The following PRKN variants were observed in gnomAD, a reference collection of about 807,000 sequenced individuals.
The protein encoded by PRKN is E3 ubiquitin-protein ligase parkin.
A neutral mutation model predicts 59.5 loss-of-function variants in PRKN; 56 were observed. The ratio of observed to expected loss-of-function variants is 0.94; its 90% CI spans 0.76 to 1.18. The LOEUF (loss-of-function observed/expected upper bound fraction) is 1.18, where lower values mean the gene tolerates loss of function less well. Among genes scored for constraint, PRKN ranks in the 50% most tolerant of loss-of-function variants. The pLI is 0.00. For synonymous variants in PRKN, 250 were observed against 222.1 expected, an observed-to-expected ratio of 1.13 and a Z score of -1.12; for missense variants, 657 against 596.4, an observed-to-expected ratio of 1.10 and a Z score of -1.06.
intron 1 of PRKN, among the ~76,000 whole-genome samples, chr6:162,487,476 C>G (rs1348085977): frequency 6.6e-6 from 1 of 152,182 alleles, no homozygotes; most frequent in South Asian, 2.1e-4. Flanking sequence ...GCTTTTTACG[C>G]TCCCTGTCAT....
intron 9 of PRKN, among the ~76,000 whole-genome samples, chr6:161,482,128 A>C (rs1791432322): frequency 6.6e-6 from 1 of 152,242 alleles, no homozygotes. Flanking sequence ...TGTTAACAAA[A>C]TTTATCAATT....
intron 6 of PRKN, among the ~76,000 whole-genome samples, chr6:161,869,206 C>T (rs552407576): frequency 2.6e-5 from 4 of 152,172 alleles, no homozygotes; most frequent in African/African-American, 9.6e-5. Context: ...TGACGAAACC[C>T]CATGTCTGCT....
At chr6:161,559,977 G>GCCAGGTGCTCTGGATGTCCA (rs367911109) in intron 8 of PRKN, among the ~76,000 whole-genome samples, 2,114 of 152,244 alleles carry the variant, frequency 0.014, 30 homozygotes, top group South Asian at 0.024. Context: ...GGTAACAACA[G>GCCAGGTGCTCTGGATGTCCA]CCAGGTGCTC....
rs1025870492 is a variant in PRKN, at chr6:161,446,148, G to A, written c.1084-59271C>T. Among the ~76,000 whole-genome samples, 2 of 152,132 alleles carry A rather than the reference G, an allele frequency of 1.3e-5. No individual in the cohort carries two copies. The highest frequency in any genetic ancestry group is 4.8e-5 in the African/African-American group (2 of 41,416). ...GGGAGGATCATCTGAGCCTGGGGAGGTCGAGGCCACAGTAAGCTAGGATTG... is the reference window on the plus strand; with the variant it reads ...GGGAGGATCATCTGAGCCTGGGGAGATCGAGGCCACAGTAAGCTAGGATTG... On this transcript the variant is annotated intron_variant, in intron 9 of 11. Coordinates refer to ENST00000366898, the MANE Select transcript of PRKN (RefSeq NM_004562.3). This position sits in a 1 kb window ranked among gnomAD's most constrained non-coding sequence, Gnocchi z 6.2.
At chr6:161,946,865 T>A (rs1178289700) in intron 6 of PRKN, among the ~76,000 whole-genome samples, 1 of 152,186 alleles carries the variant, frequency 6.6e-6, no homozygotes, top group East Asian at 1.9e-4. Context: ...TTGTGATAAA[T>A]CAAGTATGTC....
At position 162,507,121 on chromosome 6, in the gene PRKN, A is replaced by G. The variant is rs1394308727; in HGVS notation, c.8-63648T>C. Among the ~76,000 whole-genome samples the G allele has an allele frequency of 2.6e-5, 4 of 152,080 alleles. No individual in the cohort carries two copies. The East Asian group carries it at 7.7e-4, about 29-fold the overall frequency. On this transcript the variant is annotated intron_variant, in intron 1 of 11. Transcript: ENST00000366898. ...ATGATCTGGAAGATATGCTAGAGCC[A>G]CCTCCAAAATATACTGAATTTCCAT...
intron 7 of PRKN, among the ~76,000 whole-genome samples, chr6:161,709,888 C>T (rs554086881): frequency 5.3e-5 from 8 of 152,102 alleles, no homozygotes; most frequent in Non-Finnish European, 1.2e-4. Context: ...GAATATAGCA[C>T]AATATAAATA....
At position 161,655,854 on chromosome 6, in the gene PRKN, A is replaced by G. The variant is rs954686142; in HGVS notation, c.872-86438T>C. ...CAGTTCAAACTCACCACACAGGCAT[A>G]TCAACACACATGCACACACACACAC... On this transcript the variant is annotated intron_variant, in intron 7 of 11. Coordinates refer to ENST00000366898, the MANE Select transcript of PRKN (RefSeq NM_004562.3). Among the ~76,000 whole-genome samples the G allele has an allele frequency of 1.3e-3, 184 of 147,000 alleles. 1 individual carries two copies. The highest frequency in any genetic ancestry group is 4.6e-3 in the African/African-American group (178 of 39,110).
chr6:162,034,023 A>G (rs1316301252), intron 5 of PRKN, among the ~76,000 whole-genome samples: 2 of 152,084 alleles, frequency 1.3e-5, no homozygotes, highest in Non-Finnish European at 2.9e-5. Context: ...TGTAGTATAA[A>G]CGATCTTTGG....
intron 4 of PRKN, among the ~76,000 whole-genome samples, chr6:162,151,687 A>G (rs552001756): frequency 4.6e-5 from 7 of 152,308 alleles, no homozygotes; most frequent in African/African-American, 1.7e-4. Flanking sequence ...ACCATAACCA[A>G]TGAACACTGG....
chr6:162,718,900 C>G (rs1778827791), intron 1 of PRKN, among the ~76,000 whole-genome samples: 1 of 152,020 alleles, frequency 6.6e-6, no homozygotes. Context: ...AAGTCAATAC[C>G]TATGTCAGAA....
rs540645995 is a variant in PRKN at position 161,853,504 on chromosome 6, A to G, written c.735-67596T>C. On this transcript the variant is annotated intron_variant, in intron 6 of 11. Coordinates refer to ENST00000366898, the MANE Select transcript of PRKN (RefSeq NM_004562.3). The stretch of plus-strand genomic sequence containing the variant: ...ATTCAATTTTAAACTGTTTAAGATA[A>G]TATGTTTTTGCTTTTATCTAAAGTA... Among the ~76,000 whole-genome samples the G allele has an allele frequency of 5.3e-5, 8 of 152,304 alleles. No individual in the cohort carries two copies. In the South Asian group the frequency reaches 1.5e-3, roughly 28 times the overall value.
At chr6:162,450,260 G>A (rs981787218) in intron 1 of PRKN, among the ~76,000 whole-genome samples, 8 of 150,178 alleles carry the variant, frequency 5.3e-5, no homozygotes, top group East Asian at 3.9e-4. Context: ...GAATGTAAAC[G>A]CCCCTATGAC....
intron 6 of PRKN, among the ~76,000 whole-genome samples, chr6:161,969,268 GTTT>G (rs61461516): frequency 3.7e-5 from 5 of 133,972 alleles, no homozygotes; most frequent in African/African-American, 1.1e-4. Context: ...AGTCTTATTT[GTTT>G]TTTTTTTTTT....
At chr6:161,936,904 G>A (rs1196452422) in intron 6 of PRKN, among the ~76,000 whole-genome samples, 1 of 151,644 alleles carries the variant, frequency 6.6e-6, no homozygotes, top group Non-Finnish European at 1.5e-5. Context: ...TCCTGCCTCA[G>A]CCTCCCAAGT....
chr6:162,672,956 G>A (rs1359479848), intron 1 of PRKN, among the ~76,000 whole-genome samples: 2 of 152,114 alleles, frequency 1.3e-5, no homozygotes, highest in Admixed American at 1.3e-4. Flanking sequence ...TTGTGGATGT[G>A]GACAGTGGTC....
chr6:162,243,773 T>C (rs1779087259), intron 3 of PRKN, among the ~76,000 whole-genome samples: 1 of 152,106 alleles, frequency 6.6e-6, no homozygotes, highest in Non-Finnish European at 1.5e-5. Flanking sequence ...AAAAGAAAGA[T>C]GATGAGCTAA....
intron 1 of PRKN, among the ~76,000 whole-genome samples, chr6:162,691,885 C>T (rs1777787367): frequency 1.3e-5 from 2 of 151,980 alleles, no homozygotes; most frequent in South Asian, 4.2e-4. Context: ...CACGCAAATA[C>T]GTTGGGCTAT....
intron 4 of PRKN, among the ~76,000 whole-genome samples, chr6:162,158,021 G>A (rs918597193): frequency 3.9e-5 from 6 of 151,974 alleles, no homozygotes; most frequent in African/African-American, 1.5e-4. Context: ...CTGGGAGTCT[G>A]CTGTTTTCAG....
Sources: gnomAD v4.1 joint callset for allele counts (sites outside exome capture counted in the v4.1 genomes callset) on GRCh38, gnomAD v4.1.1 for gene constraint, Gnocchi (gnomAD v3.1) non-coding constraint, MANE v1.5 for transcripts, NCBI Gene and HGNC (gene_info 2026-07-23, HGNC 2026-07-21) for gene names.